The following ZBTB7C variants were observed in gnomAD, a reference collection of about 807,000 sequenced individuals.
The protein encoded by ZBTB7C is zinc finger and BTB domain containing 7C, also known as zinc finger and BTB domain-containing protein 7C.
ZBTB7C carries 8 observed loss-of-function variants against 25.7 expected under a neutral mutation model. The observed-to-expected ratio is 0.31, with a 90% CI of 0.18 to 0.56. The LOEUF is 0.56. ZBTB7C is among the 20% of genes least tolerant of loss of function. The pLI is 0.91. For synonymous variants in ZBTB7C, 394 were observed against 369.0 expected (o/e 1.07, Z -0.78); for missense variants, 824 against 855.2 (o/e 0.96, Z 0.46).
chr18:48,053,867 C>G (rs1425868222), intron 3 of ZBTB7C, among the ~76,000 whole-genome samples: 1 of 152,186 alleles, frequency 6.6e-6, no homozygotes, highest in Non-Finnish European at 1.5e-5. Flanking sequence ...GGGGACTCTG[C>G]TGGGCCCAGG....
At chr18:48,107,210 T>C (rs1163208438) in intron 3 of ZBTB7C, among the ~76,000 whole-genome samples, 3 of 136,512 alleles carry the variant, frequency 2.2e-5, no homozygotes, top group Non-Finnish European at 4.8e-5. Context: ...GGGAGGAGGA[T>C]TGAGAAGGAG....
chr18:48,375,895 A>G (rs2047508324), intron 1 of ZBTB7C, among the ~76,000 whole-genome samples: 1 of 152,238 alleles, frequency 6.6e-6, no homozygotes, highest in Admixed American at 6.5e-5. Flanking sequence ...CAATTCTGCC[A>G]TCAACTACTA....
chr18:48,137,064 G>T, intron 3 of ZBTB7C: 1 of 985,416 alleles, frequency 1.0e-6, no homozygotes, highest in Non-Finnish European at 1.2e-6. Context: ...CGCCGCCAGG[G>T]TCCCGGGCTG....
intron 3 of ZBTB7C, among the ~76,000 whole-genome samples, chr18:48,100,914 G>T (rs761783896): frequency 2.8e-4 from 8 of 28,244 alleles, no homozygotes; most frequent in Admixed American, 2.7e-3. Context: ...GGGGACTGGT[G>T]GGGGGGCTGG....
At chr18:48,280,031 G>A (rs1421924479) in intron 2 of ZBTB7C, among the ~76,000 whole-genome samples, 2 of 152,186 alleles carry the variant, frequency 1.3e-5, no homozygotes, top group Admixed American at 1.3e-4. Context: ...CAGGCACTGT[G>A]CAAGGTGCTA....
intron 2 of ZBTB7C, among the ~76,000 whole-genome samples, chr18:48,332,548 T>C (rs2046363322): frequency 6.6e-6 from 1 of 152,130 alleles, no homozygotes; most frequent in South Asian, 2.1e-4. Context: ...TAAATACATC[T>C]ATAACCCAGG....
chr18:48,244,197 C>T (rs956862725), intron 2 of ZBTB7C, among the ~76,000 whole-genome samples: 1 of 152,082 alleles, frequency 6.6e-6, no homozygotes, highest in African/African-American at 2.4e-5. Context: ...GGGTGGATCA[C>T]GAGGTCAGGA....
At chr18:48,061,699 A>C (rs2037132445) in intron 3 of ZBTB7C, among the ~76,000 whole-genome samples, 1 of 152,308 alleles carries the variant, frequency 6.6e-6, no homozygotes, top group Non-Finnish European at 1.5e-5. Flanking sequence ...CAGCTCCAAA[A>C]AGGATGCTTA....
chr18:48,276,230 T>C (rs80289330), intron 2 of ZBTB7C, among the ~76,000 whole-genome samples: 15,107 of 151,674 alleles, frequency 0.1, 861 homozygotes, highest in South Asian at 0.18. Flanking sequence ...TCCAGCTCTG[T>C]AAATAGCTAT....
chr18:48,184,230 G>A, intron 3 of ZBTB7C, among the ~76,000 whole-genome samples: 1 of 152,166 alleles, frequency 6.6e-6, no homozygotes, highest in East Asian at 1.9e-4. Context: ...AACAGACAGA[G>A]TTCTGACAAC....
intron 2 of ZBTB7C, among the ~76,000 whole-genome samples, chr18:48,194,332 C>T (rs1440987979): frequency 1.3e-5 from 2 of 152,190 alleles, no homozygotes; most frequent in African/African-American, 4.8e-5. Flanking sequence ...GCTCTCTGTC[C>T]ATTGCAGGAG....
Position 48,280,131 on chromosome 18 carries a change from G to A in ZBTB7C, c.-79+58043C>T, listed in dbSNP as rs571617344. Among the ~76,000 whole-genome samples the A allele has an allele frequency of 3.3e-5, 5 of 152,262 alleles. No individual in the cohort carries two copies. The East Asian group carries it at 7.7e-4, about 24-fold the overall frequency. On this transcript the variant is annotated intron_variant, in intron 2 of 4. Transcript: ENST00000590800. ...TACGGTGTGGTCAGTGCTGTAGGCA[G>A]GAGCACAGCCAAGGAGCATGTATTG...
At chr18:48,251,036 C>A (rs1452073175) in intron 2 of ZBTB7C, among the ~76,000 whole-genome samples, 2 of 151,924 alleles carry the variant, frequency 1.3e-5, no homozygotes, top group Non-Finnish European at 2.9e-5. Context: ...CCAGCCTAAG[C>A]AACATAGCAA....
intron 1 of ZBTB7C, among the ~76,000 whole-genome samples, chr18:48,403,599 C>T (rs760838866): frequency 6.6e-6 from 1 of 152,140 alleles, no homozygotes; most frequent in Non-Finnish European, 1.5e-5. Context: ...CAGGAGGAGA[C>T]AATAGATTGC....
chr18:48,238,908 C>T (rs1251318339), intron 2 of ZBTB7C, among the ~76,000 whole-genome samples: 1 of 152,148 alleles, frequency 6.6e-6, no homozygotes, highest in African/African-American at 2.4e-5. Context: ...AAGATCTCAG[C>T]CCCACTCACC....
chr18:48,286,389 G>A (rs2045054567), intron 2 of ZBTB7C, among the ~76,000 whole-genome samples: 1 of 152,078 alleles, frequency 6.6e-6, no homozygotes, highest in Non-Finnish European at 1.5e-5. Context: ...TTTTAAGAAT[G>A]AGAGTAAAGG....
rs1423953021 is a variant in ZBTB7C at position 48,111,558 on chromosome 18, G to A, written c.-16-70435C>T. ...AGTTATCCAGGGGAGGGAGGCAGAG[G>A]AGAGAAGACCAGAGCCCTGGCTGGG... On this transcript the variant is annotated intron_variant, in intron 3 of 4. Transcript: ENST00000590800. Among the ~76,000 whole-genome samples, 4 of 152,330 alleles carry A rather than the reference G, an allele frequency of 2.6e-5. 1 individual carries two copies. In the South Asian group the frequency reaches 8.3e-4, roughly 32 times the overall value.
At chr18:48,237,549 T>C (rs997949081) in intron 2 of ZBTB7C, among the ~76,000 whole-genome samples, 1 of 152,068 alleles carries the variant, frequency 6.6e-6, no homozygotes, top group Non-Finnish European at 1.5e-5. Context: ...ATGGCAAAAA[T>C]TGAAAGCTCT....
chr18:48,062,564 G>A (rs965233364), intron 3 of ZBTB7C, among the ~76,000 whole-genome samples: 11 of 152,132 alleles, frequency 7.2e-5, no homozygotes, highest in African/African-American at 2.7e-4. Context: ...TGATCCTTAC[G>A]CTAACCCTAT....
Sources: allele counts gnomAD v4.1 joint callset (sites outside exome capture counted in the v4.1 genomes callset), GRCh38; gene constraint gnomAD v4.1.1; transcripts MANE v1.5; gene names NCBI Gene and HGNC (gene_info 2026-07-23, HGNC 2026-07-21).